CSMD1: variants seen among roughly 807,000 people sequenced by gnomAD.
CSMD1 encodes the protein CUB and sushi domain-containing protein 1.
Under a neutral mutation model 417.5 loss-of-function variants are expected in CSMD1, and 213 were observed. The observed-to-expected ratio is 0.51, with a 90% confidence interval of 0.46 to 0.57. The LOEUF (loss-of-function observed/expected upper bound fraction) is 0.57, where lower values mean the gene tolerates loss of function less well. Among genes scored for constraint, CSMD1 ranks in the 20% least tolerant of loss-of-function variants. The probability of loss-of-function intolerance (pLI) is 0.00; values close to 1 mark genes in which losing one functional copy is unlikely to be tolerated. For synonymous variants in CSMD1, 2,862 were observed against 1,736.8 expected (o/e 1.65, Z -16.11); for missense variants, 6,923 against 4,529.7 (o/e 1.53, Z -15.17).
At chr8:4,095,861 G>A (rs1364446114) in intron 3 of CSMD1, among the ~76,000 whole-genome samples, 1 of 152,054 alleles carries the variant, frequency 6.6e-6, no homozygotes, top group Non-Finnish European at 1.5e-5. Context: ...TTAAAGTGTT[G>A]AAAGCTAAAC....
At chr8:4,127,524 C>T (rs1324609078) in intron 3 of CSMD1, among the ~76,000 whole-genome samples, 1 of 150,514 alleles carries the variant, frequency 6.6e-6, no homozygotes, top group Non-Finnish European at 1.5e-5. Flanking sequence ...CTCCCTCCAC[C>T]AGAAACCCTT....
At chr8:4,612,283 A>C (rs943255834) in intron 2 of CSMD1, among the ~76,000 whole-genome samples, 3 of 152,228 alleles carry the variant, frequency 2.0e-5, no homozygotes, top group African/African-American at 7.2e-5. Flanking sequence ...TCCCAAAGCT[A>C]AAACTTCAAA....
intron 55 of CSMD1, 30 bp downstream of exon 55, chr8:2,978,582 G>A: frequency 1.9e-6 from 3 of 1,543,656 alleles, no homozygotes; most frequent in Non-Finnish European, 1.8e-6. Flanking sequence ...AGGGGTCTCT[G>A]CACAGAAATT....
intron 10 of CSMD1, among the ~76,000 whole-genome samples, chr8:3,526,338 G>C (rs563620641): frequency 6.6e-6 from 1 of 151,890 alleles, no homozygotes; most frequent in Non-Finnish European, 1.5e-5. Context: ...GTGGAAATTG[G>C]ACACTCCAAA....
rs1488798363 is a variant in CSMD1 at position 3,772,420 on chromosome 8, TACAC to T, written c.819-18382_819-18379del. On this transcript the variant is annotated intron_variant, in intron 5 of 69. Coordinates refer to ENST00000635120, the MANE Select transcript of CSMD1 (RefSeq NM_033225.6). Reference sequence around the variant, plus strand: ...ACACATATATACATATATTTATATATACACATATATACATACATTTATATATACA... The same window carrying T: ...ACACATATATACATATATTTATATATATATATACATACATTTATATATACA... Among the ~76,000 whole-genome samples, 103 of 119,066 alleles carry T rather than the reference TACAC, an allele frequency of 8.7e-4. 24 individuals carry two copies. The highest frequency in any genetic ancestry group is 1.2e-3 in the Admixed American group (14 of 11,848). The allele number at this position is 119,066 out of a possible 152,430, so 78.1% of individuals were successfully genotyped here. A position where few individuals can be genotyped will look rare whatever the true frequency, so the allele number is the denominator to read the frequency against.
intron 3 of CSMD1, among the ~76,000 whole-genome samples, chr8:4,104,014 G>C (rs189494091): frequency 6.6e-6 from 1 of 152,182 alleles, no homozygotes; most frequent in Non-Finnish European, 1.5e-5. Context: ...CACCTGCACA[G>C]GCCTGTCCCT....
chr8:3,194,214 C>G (rs1796575115), intron 33 of CSMD1, among the ~76,000 whole-genome samples: 1 of 151,916 alleles, frequency 6.6e-6, no homozygotes, highest in African/African-American at 2.4e-5. Context: ...ATGTGGAAAA[C>G]CAACTAAGCC....
intron 4 of CSMD1, among the ~76,000 whole-genome samples, chr8:4,002,055 TAGA>T (rs1815721404): frequency 6.6e-6 from 1 of 152,166 alleles, no homozygotes; most frequent in Admixed American, 6.5e-5. Flanking sequence ...TAAAATATAG[TAGA>T]AGATTATTAA....
intron 5 of CSMD1, among the ~76,000 whole-genome samples, chr8:3,958,527 T>C (rs1253113409): frequency 1.3e-5 from 2 of 152,170 alleles, no homozygotes; most frequent in Admixed American, 1.3e-4. Flanking sequence ...TTCTTCTGGG[T>C]TTAGTTCTAT....
At chr8:3,570,325 G>A (rs150246706) in intron 10 of CSMD1, among the ~76,000 whole-genome samples, 1,540 of 152,278 alleles carry the variant, frequency 0.01, 18 homozygotes, top group Middle Eastern at 0.02. Flanking sequence ...TACACTAACC[G>A]TCGGCTCCTC....
At chr8:3,132,014 C>T (rs1443030673) in intron 41 of CSMD1, among the ~76,000 whole-genome samples, 1 of 152,126 alleles carries the variant, frequency 6.6e-6, no homozygotes, top group East Asian at 1.9e-4. Context: ...TGGCTCATGT[C>T]CAAACTCATC....
rs538864352 is a variant in CSMD1 at position 3,929,097 on chromosome 8, G to C, written c.818+68806C>G. Among the ~76,000 whole-genome samples, 9 of 150,384 alleles carry C rather than the reference G, an allele frequency of 6.0e-5. No individual in the cohort carries two copies. The East Asian group carries it at 1.8e-3, about 29-fold the overall frequency. On this transcript the variant is annotated intron_variant, in intron 5 of 69. Transcript: ENST00000635120. Reference sequence around the variant, plus strand: ...AGCACAGAGAATAAAGAAAGACTTGGAGTGAGGAGAGATGAAACTCTGCAC... The same window carrying C: ...AGCACAGAGAATAAAGAAAGACTTGCAGTGAGGAGAGATGAAACTCTGCAC...
intron 7 of CSMD1, among the ~76,000 whole-genome samples, chr8:3,690,609 T>C (rs997069621): frequency 1.1e-4 from 17 of 152,224 alleles, no homozygotes; most frequent in Non-Finnish European, 2.1e-4. Flanking sequence ...GGTACTGTGA[T>C]GATATCATAG....
At chr8:4,369,311 T>C (rs756005300) in intron 3 of CSMD1, among the ~76,000 whole-genome samples, 1 of 152,194 alleles carries the variant, frequency 6.6e-6, no homozygotes, top group African/African-American at 2.4e-5. Context: ...TTTGTGGTTG[T>C]TATGAATTGA....
chr8:4,207,889 T>A (rs995886930), intron 3 of CSMD1, among the ~76,000 whole-genome samples: 1 of 152,134 alleles, frequency 6.6e-6, no homozygotes, highest in Non-Finnish European at 1.5e-5. Flanking sequence ...TTAGTCCTCA[T>A]GGAGCAACAA....
At chr8:3,747,961 T>A (rs1542585) in intron 6 of CSMD1, among the ~76,000 whole-genome samples, 134,934 of 152,016 alleles carry the variant, frequency 0.89, 59,954 homozygotes, top group South Asian at 0.93. Flanking sequence ...CTTCCGTTTG[T>A]CTAGAAGTCC....
chr8:4,684,850 C>G (rs1386272019), intron 1 of CSMD1, among the ~76,000 whole-genome samples: 1 of 152,122 alleles, frequency 6.6e-6, no homozygotes, highest in African/African-American at 2.4e-5. Context: ...ATATAATAGA[C>G]AAACCTGTGC....
intron 3 of CSMD1, among the ~76,000 whole-genome samples, chr8:4,166,381 T>C (rs747881933): frequency 1.3e-5 from 2 of 152,174 alleles, no homozygotes; most frequent in Non-Finnish European, 2.9e-5. Flanking sequence ...GATGCTAAAG[T>C]TCCCACAATT....
chr8:4,593,915 G>T (rs1227005038), intron 2 of CSMD1, among the ~76,000 whole-genome samples: 2 of 152,092 alleles, frequency 1.3e-5, no homozygotes, highest in African/African-American at 2.4e-5. Flanking sequence ...CAGTTTTGAG[G>T]GCCAGGAGTC....
Sources: gnomAD v4.1 joint callset for allele counts (sites outside exome capture counted in the v4.1 genomes callset) on GRCh38, gnomAD v4.1.1 for gene constraint, MANE v1.5 for transcripts, NCBI Gene and HGNC (gene_info 2026-07-23, HGNC 2026-07-21) for gene names.